PARG: variants seen among roughly 807,000 people sequenced by gnomAD.
The protein encoded by PARG is mitochondrial poly(ADP-ribose) glycohydrolase.
In PARG, 35 loss-of-function variants were observed where a neutral mutation model predicts 113.0. The observed-to-expected ratio is 0.31, with a 90% CI of 0.24 to 0.41. The LOEUF is 0.41. Among genes scored for constraint, PARG ranks in the 10% least tolerant of loss-of-function variants. PARG has a pLI of 1.00. For synonymous variants in PARG, 330 were observed against 409.9 expected (o/e 0.81, Z 2.36); for missense variants, 797 against 1,169.4 (o/e 0.68, Z 4.64).
chr10:49,897,721 G>A (rs1187561254), intron 7 of PARG, among the ~76,000 whole-genome samples: 2 of 152,238 alleles, frequency 1.3e-5, no homozygotes, highest in Non-Finnish European at 2.9e-5. Context: ...CAAAAACTTA[G>A]TGGTGGTTGG....
chr10:49,828,092 C>CAAAAAAAAAAAA lies in PARG; in HGVS notation c.2647+4699_2647+4710dup, dbSNP rs71026274. ...TGAGACGAGATGTAGAAAGCTTAAA[C>CAAAAAAAAAAAA]AAAAAAAAAAAAAAAAAAAAAAAAA... On this transcript the variant is annotated intron_variant, in intron 16 of 17. Transcript: ENST00000616448. Among the ~76,000 whole-genome samples the CAAAAAAAAAAAA allele has an allele frequency of 1.4e-4, 7 of 50,408 alleles. 2 individuals are homozygous for CAAAAAAAAAAAA. The highest frequency in any genetic ancestry group is 2.4e-4 in the Non-Finnish European group (7 of 28,588). The allele number at this position is 50,408 out of a possible 152,430, so 33.1% of individuals were successfully genotyped here.
intron 16 of PARG, among the ~76,000 whole-genome samples, chr10:49,825,939 T>C (rs1048861392): frequency 9.2e-5 from 14 of 152,258 alleles, no homozygotes; most frequent in African/African-American, 1.7e-4. Flanking sequence ...TGGGACCAGA[T>C]TGGTTTTGGA....
intron 4 of PARG, among the ~76,000 whole-genome samples, chr10:49,928,782 G>C (rs1427855141): frequency 6.6e-6 from 1 of 152,198 alleles, no homozygotes; most frequent in African/African-American, 2.4e-5. Flanking sequence ...TGGGATTACA[G>C]GTGTGAGCTA....
Position 49,941,790 on chromosome 10 carries a change from A to C in PARG, c.-65T>G. On this transcript the variant is annotated 5_prime_UTR_variant, in exon 1 of 18. Transcript: ENST00000616448. ...CGGAGAGCCTCATTCACTAACCCTG[A>C]GAGAGATGGACTGCGCCTCCTTCTC... is the stretch of plus-strand genomic sequence containing the variant. 1 of 1,537,486 alleles carries C rather than the reference A, an allele frequency of 6.5e-7. No individual in the cohort carries two copies. Among genetic ancestry groups the C allele is most frequent in the South Asian group, 1.2e-5 (1 of 83,590 alleles).
chr10:49,904,035 T>G (rs1393810945), intron 7 of PARG, among the ~76,000 whole-genome samples: 4 of 151,820 alleles, frequency 2.6e-5, no homozygotes, highest in African/African-American at 9.7e-5. Flanking sequence ...GAGACAAGTG[T>G]AACAGAAATA....
At chr10:49,935,540 A>C (rs1838702474) in intron 1 of PARG, among the ~76,000 whole-genome samples, 1 of 152,266 alleles carries the variant, frequency 6.6e-6, no homozygotes, top group Admixed American at 6.5e-5. Flanking sequence ...GTTCATGTAA[A>C]GCATTTAGGG....
intron 6 of PARG, among the ~76,000 whole-genome samples, chr10:49,920,462 AAAT>A (rs1281143313): frequency 2.1e-3 from 109 of 52,024 alleles, no homozygotes; most frequent in Middle Eastern, 8.2e-3. Flanking sequence ...AAAAAAAAAA[AAAT>A]ATATATATAT....
At chr10:49,914,733 G>A (rs1588982607) in intron 7 of PARG, among the ~76,000 whole-genome samples, 1 of 152,126 alleles carries the variant, frequency 6.6e-6, no homozygotes, top group Non-Finnish European at 1.5e-5. Flanking sequence ...TGTGGTACTG[G>A]CACAAGGATA....
intron 7 of PARG, among the ~76,000 whole-genome samples, chr10:49,902,718 C>T: frequency 6.6e-6 from 1 of 152,126 alleles, no homozygotes; most frequent in East Asian, 1.9e-4. Flanking sequence ...AGCCTGGGCA[C>T]AGTGGTTCAT....
intron 6 of PARG, among the ~76,000 whole-genome samples, chr10:49,920,130 T>C (rs1837715821): frequency 6.6e-6 from 1 of 151,966 alleles, no homozygotes; most frequent in Non-Finnish European, 1.5e-5. Flanking sequence ...TATAGCTGTA[T>C]AAGCACTACA....
intron 7 of PARG, among the ~76,000 whole-genome samples, chr10:49,897,552 C>G (rs1386055519): frequency 2.0e-5 from 3 of 152,180 alleles, no homozygotes; most frequent in African/African-American, 7.2e-5. Context: ...CTTGTGGCCC[C>G]CCAGTACTAA....
intron 2 of PARG, 56 bp from the exon 3 acceptor site, chr10:49,934,219 C>A: frequency 1.4e-6 from 1 of 728,500 alleles, no homozygotes; most frequent in Non-Finnish European, 2.4e-6. Context: ...AGTCACTTAT[C>A]CAATCATACC....
chr10:49,901,475 G>A (rs1225569044), intron 7 of PARG, among the ~76,000 whole-genome samples: 1 of 150,704 alleles, frequency 6.6e-6, no homozygotes, highest in Non-Finnish European at 1.5e-5. Context: ...ATTATAAAAT[G>A]TGCCATGCAA....
chr10:49,914,421 G>A (rs868992266), intron 7 of PARG, among the ~76,000 whole-genome samples: 54 of 152,240 alleles, frequency 3.5e-4, no homozygotes, highest in Non-Finnish European at 5.1e-4. Flanking sequence ...CAGACACAAG[G>A]ATAAGTCTTC....
chr10:49,860,271 T>C (rs1358000321), intron 12 of PARG, among the ~76,000 whole-genome samples: 13 of 151,850 alleles, frequency 8.6e-5, no homozygotes, highest in African/African-American at 2.9e-4. Context: ...TAATTCCTTG[T>C]TGAATTGTAT....
At position 49,928,271 on chromosome 10, in the gene PARG, GA is replaced by G. The variant is rs546085753; in HGVS notation, c.1455+3828del. Among the ~76,000 whole-genome samples, 788 of 139,480 alleles carry G rather than the reference GA, an allele frequency of 5.6e-3. 9 individuals carry two copies. Among genetic ancestry groups the G allele is most frequent in the South Asian group, 0.032 (142 of 4,426 alleles). 91.5% of individuals were successfully genotyped at this position (139,480 alleles called of 152,430 possible). A position where few individuals can be genotyped will look rare whatever the true frequency, so the allele number is the denominator to read the frequency against. ...GGGTGACAGAGCAAGACTCCATCTCGAAAAAAAAAAAAAGTCAGATGTGACA... is the reference window on the plus strand; with the variant it reads ...GGGTGACAGAGCAAGACTCCATCTCGAAAAAAAAAAAAGTCAGATGTGACA... On this transcript the variant is annotated intron_variant, in intron 4 of 17. Coordinates refer to ENST00000616448, the MANE Select transcript of PARG (RefSeq NM_003631.5).
At chr10:49,906,971 TATGGTTAC>T (rs1554845148) in intron 7 of PARG, among the ~76,000 whole-genome samples, 1 of 151,828 alleles carries the variant, frequency 6.6e-6, no homozygotes, top group Non-Finnish European at 1.5e-5. Context: ...AGGCTATGCA[TATGGTTAC>T]TTAAGGCAGT....
intron 7 of PARG, among the ~76,000 whole-genome samples, chr10:49,887,066 T>C (rs2132661562): frequency 6.6e-6 from 1 of 151,282 alleles, no homozygotes; most frequent in Non-Finnish European, 1.5e-5. Flanking sequence ...TTTTTTTTAA[T>C]AGAAACAGGG....
chr10:49,911,490 T>A (rs1837178813), intron 7 of PARG, among the ~76,000 whole-genome samples: 1 of 152,224 alleles, frequency 6.6e-6, no homozygotes, highest in African/African-American at 2.4e-5. Context: ...ACAGATTGTG[T>A]GTTTGTAGCA....
Sources: gnomAD v4.1 joint callset for allele counts (sites outside exome capture counted in the v4.1 genomes callset) on GRCh38, gnomAD v4.1.1 for gene constraint, MANE v1.5 for transcripts, NCBI Gene and HGNC (gene_info 2026-07-23, HGNC 2026-07-21) for gene names.